The following AK9 variants were observed in gnomAD, a reference collection of about 807,000 sequenced individuals.
The protein encoded by AK9 is adenylate kinase 9.
Under a neutral mutation model 239.6 loss-of-function variants are expected in AK9, and 191 were observed. That is an observed-to-expected ratio of 0.80 (90% CI 0.71 to 0.90). The LOEUF (loss-of-function observed/expected upper bound fraction) is 0.90. AK9 is among the 40% of genes least tolerant of loss of function. The pLI, the probability that AK9 is intolerant of heterozygous loss-of-function variation, is 0.00. For missense variants in AK9, 1,995 were observed against 2,214.7 expected, an observed-to-expected ratio of 0.90 and a Z score of 1.99; for synonymous variants, 689 against 721.0, an observed-to-expected ratio of 0.96 and a Z score of 0.71.
intron 3 of AK9, among the ~76,000 whole-genome samples, 181 bp from the exon 4 acceptor site, chr6:109,672,348 G>A (rs749149345): frequency 2.6e-5 from 4 of 152,160 alleles, no homozygotes; most frequent in Admixed American, 6.5e-5. Flanking sequence ...GCAGCAGAAT[G>A]TCTTCCATAG....
chr6:109,551,868 A>G (rs1338229548), intron 24 of AK9, among the ~76,000 whole-genome samples: 1 of 151,232 alleles, frequency 6.6e-6, no homozygotes, highest in Non-Finnish European at 1.5e-5. Context: ...CCCATCCTCT[A>G]CGTTCCTTCC....
intron 25 of AK9, among the ~76,000 whole-genome samples, chr6:109,548,050 C>CA (rs146510845): frequency 7.8e-4 from 118 of 150,768 alleles, no homozygotes; most frequent in Middle Eastern, 3.4e-3. Context: ...ATCAAAAAGA[C>CA]AAAAAAAATA....
intron 8 of AK9, among the ~76,000 whole-genome samples, chr6:109,648,533 T>C (rs1178347304): frequency 6.6e-6 from 1 of 152,090 alleles, no homozygotes; most frequent in African/African-American, 2.4e-5. Flanking sequence ...CTCCCAAGAC[T>C]AAACCAGGAA....
intron 27 of AK9, among the ~76,000 whole-genome samples, chr6:109,541,681 A>G (rs2128148619): frequency 6.6e-6 from 1 of 152,376 alleles, no homozygotes; most frequent in African/African-American, 2.4e-5. Context: ...AAGTTTTGGG[A>G]TTACAGGCAT....
At chr6:109,618,037 T>C (rs909944095) in intron 13 of AK9, among the ~76,000 whole-genome samples, 2 of 152,196 alleles carry the variant, frequency 1.3e-5, no homozygotes, top group African/African-American at 4.8e-5. Flanking sequence ...CTGTAGTAAA[T>C]GCATCACGAA....
intron 17 of AK9, among the ~76,000 whole-genome samples, chr6:109,588,259 C>CG (rs1789774587): frequency 6.6e-6 from 1 of 151,890 alleles, no homozygotes; most frequent in African/African-American, 2.4e-5. Context: ...TTAGTAGAGA[C>CG]GGGGTTTCAC....
intron 8 of AK9, among the ~76,000 whole-genome samples, chr6:109,648,657 A>G (rs1798450470): frequency 6.6e-6 from 1 of 152,174 alleles, no homozygotes; most frequent in Non-Finnish European, 1.5e-5. Flanking sequence ...AATTCTACCA[A>G]AGGTACAAAG....
intron 8 of AK9, among the ~76,000 whole-genome samples, 155 bp downstream of exon 8, chr6:109,656,601 T>C (rs1246486803): frequency 2.0e-5 from 3 of 152,180 alleles, no homozygotes; most frequent in Non-Finnish European, 4.4e-5. Flanking sequence ...AAACAGTCTT[T>C]GGGATGGAGG....
intron 1 of AK9, among the ~76,000 whole-genome samples, chr6:109,683,119 AT>A (rs1339629985): frequency 6.6e-6 from 1 of 152,218 alleles, no homozygotes; most frequent in East Asian, 1.9e-4. Flanking sequence ...AATGTAATCC[AT>A]CACATAAATA....
intron 13 of AK9, among the ~76,000 whole-genome samples, chr6:109,618,847 A>AT (rs1195195058): frequency 2.6e-5 from 4 of 151,868 alleles, no homozygotes; most frequent in Non-Finnish European, 5.9e-5. Context: ...AGGTAGACCC[A>AT]TTGGAGAAAG....
At position 109,499,117 on chromosome 6, in the gene AK9, G is replaced by A. The variant is rs1054270051; in HGVS notation, c.4973C>T (p.Ala1658Val). Residue 1658 changes from alanine (A) to valine (V), a missense_variant, in exon 36 of 41, where the codon GCA (alanine) becomes GTA (valine). Ala to Val is a moderately conservative substitution (Grantham distance 64). Around this residue, in one of 5 missense-constraint regions of AK9, gnomAD observed 391 missense variants for 456.0 expected, o/e 0.86. Coordinates refer to ENST00000424296, the MANE Select transcript of AK9 (RefSeq NM_001145128.3). The stretch of plus-strand genomic sequence containing the variant: ...TGCTGCAAATTCCAAGGAGTCAGTT[G>A]CAGAGCAATCAAATAATTCCTGGGA... Reference protein sequence around the residue: ...AESQELFDCSATDSLEFAAEF... With the variant: ...AESQELFDCSVTDSLEFAAEF... 9 of 1,609,326 alleles carry A rather than the reference G, an allele frequency of 5.6e-6. No individual in the cohort carries two copies. The African/African-American group carries it at 1.1e-4, about 19-fold the overall frequency.
At chr6:109,535,586 G>A (rs896642199) in intron 27 of AK9, among the ~76,000 whole-genome samples, 6 of 152,086 alleles carry the variant, frequency 3.9e-5, no homozygotes, top group African/African-American at 1.4e-4. Context: ...AGTTTCTTTT[G>A]CTGTCAGAAG....
At chr6:109,545,729 G>A (rs1783464244) in intron 26 of AK9, 138 bp downstream of exon 26, 1 of 1,043,766 alleles carries the variant, frequency 9.6e-7, no homozygotes, top group South Asian at 1.7e-5. Context: ...CTGAGCCCAG[G>A]GAAGTTGAGG....
intron 17 of AK9, among the ~76,000 whole-genome samples, chr6:109,602,193 T>C (rs891196068): frequency 6.6e-6 from 1 of 152,206 alleles, no homozygotes; most frequent in African/African-American, 2.4e-5. Flanking sequence ...ATTTGGCATG[T>C]TTTTGCAGTG....
intron 35 of AK9, among the ~76,000 whole-genome samples, chr6:109,503,943 C>G (rs1329974703): frequency 6.6e-6 from 1 of 152,184 alleles, no homozygotes; most frequent in Non-Finnish European, 1.5e-5. Flanking sequence ...CAGTGTTTCC[C>G]CAGGATCTAC....
In AK9 at chr6:109,564,631, C is replaced by T. The variant is rs986783572; in HGVS notation, c.2434+125G>A. On this transcript the variant is annotated intron_variant, in intron 22 of 40. Coordinates refer to ENST00000424296, the MANE Select transcript of AK9 (RefSeq NM_001145128.3). Reference sequence around the variant, plus strand: ...GAGTAAGCCAAATATTTATGTATGTCAATTAGCATACAACATAGAAAGAAA... The same window carrying T: ...GAGTAAGCCAAATATTTATGTATGTTAATTAGCATACAACATAGAAAGAAA... 7 of 648,588 alleles carry T rather than the reference C, an allele frequency of 1.1e-5. No individual in the cohort carries two copies. The Admixed American group carries it at 2.5e-4, about 23-fold the overall frequency. 40.2% of individuals were successfully genotyped at this position (648,588 alleles called of 1,614,324 possible).
chr6:109,610,570 A>G (rs1363419915), intron 16 of AK9, 57 bp from the exon 17 acceptor site: 18 of 1,467,016 alleles, frequency 1.2e-5, no homozygotes. Context: ...GGACAATACT[A>G]CTTGCAATAA....
chr6:109,564,156 G>A lies in AK9; in HGVS notation c.2559C>T (p.Tyr853=). ...CAATCTCCAAGTTTAAAATTTTAAT[G>A]TAAGCCTCACTAATTGTTGCTTCTA... ...KQLEATISEA[Y]IKILNLEIAD... is the part of the protein sequence containing the mutation. The change falls in exon 23 of 41, where the codon TAC becomes TAT. Residue 853 remains tyrosine, a synonymous_variant. Coordinates refer to ENST00000424296, the MANE Select transcript of AK9 (RefSeq NM_001145128.3). The A allele has an allele frequency of 6.4e-7, 1 of 1,551,412 alleles. No homozygotes were observed. Among genetic ancestry groups the A allele is most frequent in the Non-Finnish European group, 8.7e-7 (1 of 1,146,876 alleles).
chr6:109,509,514 CAT>C (rs1253681381), intron 32 of AK9, 134 bp from the exon 33 acceptor site: 1 of 794,418 alleles, frequency 1.3e-6, no homozygotes, highest in Non-Finnish European at 1.9e-6. Context: ...AAGTAGCAAA[CAT>C]AGTGATGGCA....
Sources: allele counts gnomAD v4.1 joint callset (sites outside exome capture counted in the v4.1 genomes callset), GRCh38; gene constraint gnomAD v4.1.1; regional missense constraint gnomAD v4.1.1; transcripts MANE v1.5; gene names NCBI Gene and HGNC (gene_info 2026-07-23, HGNC 2026-07-21).